Variants in CCDC137 observed in about 807,000 individuals in gnomAD.
The protein encoded by CCDC137 is coiled-coil domain-containing protein 137.
Under a neutral mutation model 30.4 loss-of-function variants are expected in CCDC137, and 24 were observed. That is an observed-to-expected ratio of 0.79 (90% CI 0.57 to 1.11). The LOEUF is 1.11. Among genes scored for constraint, CCDC137 ranks in the 50% least tolerant of loss-of-function variants. CCDC137 has a pLI of 0.00. For missense variants in CCDC137, 417 were observed against 380.4 expected, an observed-to-expected ratio of 1.10 and a Z score of -0.80; for synonymous variants, 182 against 155.7, an observed-to-expected ratio of 1.17 and a Z score of -1.26.
At chr17:81,667,069 A>G in intron 1 of CCDC137, 169 bp downstream of exon 1, 1 of 670,762 alleles carries the variant, frequency 1.5e-6, no homozygotes, top group Non-Finnish European at 2.1e-6. Flanking sequence ...GATCGGTTGA[A>G]TGAATGGAGG....
chr17:81,670,655 G>A (rs770159873), intron 3 of CCDC137, among the ~76,000 whole-genome samples: 3 of 152,176 alleles, frequency 2.0e-5, no homozygotes, highest in Non-Finnish European at 4.4e-5. Context: ...AGGAGGCTGC[G>A]GAACCTGGGA....
At chr17:81,672,304 T>C in intron 5 of CCDC137, 149 bp downstream of exon 5, 1 of 957,136 alleles carries the variant, frequency 1.0e-6, no homozygotes, top group Non-Finnish European at 1.6e-6. Flanking sequence ...CAGGAGTTGA[T>C]ACCAGCCTGG....
intron 3 of CCDC137, 61 bp downstream of exon 3, chr17:81,670,514 C>T: frequency 7.1e-7 from 1 of 1,406,432 alleles, no homozygotes; most frequent in Non-Finnish European, 9.8e-7. Flanking sequence ...ACATTGGGTT[C>T]CCATGACGGC....
intron 3 of CCDC137, among the ~76,000 whole-genome samples, chr17:81,671,053 A>T (rs2036714313): frequency 6.6e-6 from 1 of 151,854 alleles, no homozygotes; most frequent in African/African-American, 2.4e-5. Context: ...AATCGCTTGA[A>T]TCCGGGAGGC....
chr17:81,667,493 A>C (rs2036652730), intron 1 of CCDC137, among the ~76,000 whole-genome samples: 1 of 151,740 alleles, frequency 6.6e-6, no homozygotes, highest in South Asian at 2.1e-4. Flanking sequence ...ACGCCCGGCA[A>C]ATTTTTTGTA....
chr17:81,671,284 C>T (rs1363816678), intron 3 of CCDC137, among the ~76,000 whole-genome samples: 2 of 152,168 alleles, frequency 1.3e-5, no homozygotes, highest in East Asian at 1.9e-4. Flanking sequence ...CCTGGCGCCA[C>T]GGTGATCTCC....
chr17:81,668,470 T>A (rs935214131), intron 2 of CCDC137, among the ~76,000 whole-genome samples: 11 of 152,104 alleles, frequency 7.2e-5, no homozygotes, highest in Non-Finnish European at 1.3e-4. Context: ...GTCCACTGTG[T>A]GTATATTTTG....
At position 81,666,859 on chromosome 17, in the gene CCDC137, G is replaced by T; in HGVS notation, c.93G>T (p.Pro31=). The T allele has an allele frequency of 7.6e-7, 1 of 1,316,730 alleles. No homozygotes were observed. Among genetic ancestry groups the T allele is most frequent in the Non-Finnish European group, 9.7e-7 (1 of 1,032,274 alleles). 81.6% of individuals were successfully genotyped at this position (1,316,730 alleles called of 1,614,324 possible). ...CGCGGGGGCGGCAGCAAGTGCAGCC[G>T]CTGGGGAAGCAGCGCCCAGCCCCGT... ...RRARGRQQVQ[P]LGKQRPAPWP... The change falls in exon 1 of 6, where the codon CCG becomes CCT. Residue 31 remains proline, a synonymous_variant. Transcript: ENST00000329214.
In CCDC137 at chr17:81,666,798, C is replaced by G. The variant is rs749743883; in HGVS notation, c.32C>G (p.Ser11Cys). 4 of 1,464,014 alleles carry G rather than the reference C, an allele frequency of 2.7e-6. No homozygotes were observed. Among genetic ancestry groups the G allele is most frequent in the East Asian group, 2.7e-5 (1 of 36,606 alleles). 90.7% of individuals were successfully genotyped at this position (1,464,014 alleles called of 1,614,324 possible). The change falls in exon 1 of 6, where the codon TCC (serine) becomes TGC (cysteine). Residue 11 changes from serine to cysteine, a missense_variant. Physicochemically the swap from Ser to Cys is moderately radical, Grantham distance 112. Transcript: ENST00000329214. ...GGAGCTGGTCGCGGAGCAGCGGTGTCCAGGGTGCAGGCGGGTCCTGGGAGT... is the reference window on the plus strand; with the variant it reads ...GGAGCTGGTCGCGGAGCAGCGGTGTGCAGGGTGCAGGCGGGTCCTGGGAGT... MAGAGRGAAVSRVQAGPGSPR... is the reference protein window; with the variant it reads MAGAGRGAAVCRVQAGPGSPR...
rs763070699 is a variant in CCDC137 at position 81,672,129 on chromosome 17, C to A, written c.634C>A (p.Pro212Thr). Residue 212 changes from proline (P) to threonine (T), a missense_variant, in exon 5 of 6, where the codon CCC becomes ACC. Physicochemically the swap from Pro to Thr is conservative, Grantham distance 38. Transcript: ENST00000329214. ...GCAGCCCCCAGAGCTGACTGCCAGGCCCCAGAGGAGCGTAAGCAAGGACCA... is the reference window on the plus strand; with the variant it reads ...GCAGCCCCCAGAGCTGACTGCCAGGACCCAGAGGAGCGTAAGCAAGGACCA... ...VLQPPELTAR[P>T]QRSVSKDQPG... 1 of 1,614,086 alleles carries A rather than the reference C, an allele frequency of 6.2e-7. No individual in the cohort carries two copies. Among genetic ancestry groups the A allele is most frequent in the East Asian group, 2.2e-5 (1 of 44,876 alleles).
intron 1 of CCDC137, among the ~76,000 whole-genome samples, chr17:81,667,509 A>G (rs1455072298): frequency 6.6e-6 from 1 of 151,838 alleles, no homozygotes; most frequent in Admixed American, 6.6e-5. Flanking sequence ...TTGTATTTTT[A>G]GTAGAGACGG....
At position 81,668,651 on chromosome 17, in the gene CCDC137, A is replaced by T. The variant is rs146572947; in HGVS notation, c.268+789A>T. On this transcript the variant is annotated intron_variant, in intron 2 of 5. Transcript: ENST00000329214. The stretch of plus-strand genomic sequence containing the variant: ...GGAGGCGCACTGGCCTGGGTAGCAC[A>T]TGGCACGTTCTGAACCGTGCTGCAT... Among the ~76,000 whole-genome samples, 28 of 152,300 alleles carry T rather than the reference A, an allele frequency of 1.8e-4. No homozygotes were observed. The East Asian group carries it at 4.1e-3, about 22-fold the overall frequency.
rs114857292 is a variant in CCDC137, at chr17:81,673,020, T to C, written c.*316T>C. The C allele has an allele frequency of 5.6e-4, 222 of 398,170 alleles. No individual in the cohort carries two copies. Among genetic ancestry groups the C allele is most frequent in the African/African-American group, 4.4e-3 (215 of 49,278 alleles). 24.7% of individuals were successfully genotyped at this position (398,170 alleles called of 1,614,324 possible). A position where few individuals can be genotyped will look rare whatever the true frequency, so the allele number is the denominator to read the frequency against. On this transcript the variant is annotated 3_prime_UTR_variant, in exon 6 of 6. Coordinates refer to ENST00000329214, the MANE Select transcript of CCDC137 (RefSeq NM_199287.3). The stretch of plus-strand genomic sequence containing the variant: ...TGGATCCCTGTCCCTGAACACCAAA[T>C]ACCGAGACAGCTGATGAGGCTGGCT...
Position 81,670,436 on chromosome 17 carries a change from G to GAAAAAAGCA in CCDC137, c.489_497dup (p.Lys164_Ala166dup), listed in dbSNP as rs1568201285. 3 of 1,611,286 alleles carry GAAAAAAGCA rather than the reference G, an allele frequency of 1.9e-6. No homozygotes were observed. Among genetic ancestry groups the GAAAAAAGCA allele is most frequent in the Admixed American group, 3.4e-5 (2 of 59,296 alleles). ...CAGCTCCCAAGGAGAAGTCTGAGCAGAAAAAAGCAAAAAAAGCGTGAGTGG... is the reference window on the plus strand; with the variant it reads ...CAGCTCCCAAGGAGAAGTCTGAGCAGAAAAAAGCAAAAAAAGCAAAAAAAGCGTGAGTGG... On this transcript the variant is annotated inframe_insertion, in exon 3 of 6. Transcript: ENST00000329214.
At chr17:81,667,957 T>G in intron 2 of CCDC137, 95 bp downstream of exon 2, 1 of 1,436,184 alleles carries the variant, frequency 7.0e-7, no homozygotes, top group Non-Finnish European at 9.3e-7. Flanking sequence ...GCAGAGGAAA[T>G]ATGCCAAGAC....
chr17:81,668,841 C>T (rs1299838849), intron 2 of CCDC137, among the ~76,000 whole-genome samples: 3 of 151,448 alleles, frequency 2.0e-5, no homozygotes, highest in Non-Finnish European at 4.4e-5. Flanking sequence ...GCTGGGATTA[C>T]AGGTAACGCA....
rs1043822103 is a variant in CCDC137 at position 81,672,719 on chromosome 17, G to A, written c.*15G>A. On this transcript the variant is annotated 3_prime_UTR_variant, in exon 6 of 6. Transcript: ENST00000329214. The stretch of plus-strand genomic sequence containing the variant: ...CGCAGCTGTGATGGAGAGACACCCG[G>A]GGCCTGGCCACGCTCTGGGGCAACT... 5 of 1,552,520 alleles carry A rather than the reference G, an allele frequency of 3.2e-6. No homozygotes were observed. The East Asian group carries it at 7.1e-5, about 22-fold the overall frequency.
At chr17:81,672,399 T>A in intron 5 of CCDC137, 96 bp from the exon 6 acceptor site, 1 of 1,212,558 alleles carries the variant, frequency 8.2e-7, no homozygotes, top group Non-Finnish European at 1.2e-6. Flanking sequence ...GAGAGTGCAG[T>A]GTTCTCGCTG....
chr17:81,672,213 G>A (rs1413451866), intron 5 of CCDC137, 58 bp downstream of exon 5: 2 of 1,552,904 alleles, frequency 1.3e-6, no homozygotes, highest in African/African-American at 1.4e-5. Context: ...GGGAACAGAA[G>A]CCTTGGACAG....
Sources: gnomAD v4.1 joint callset for allele counts (sites outside exome capture counted in the v4.1 genomes callset) on GRCh38, gnomAD v4.1.1 for gene constraint, MANE v1.5 for transcripts, NCBI Gene and HGNC (gene_info 2026-07-23, HGNC 2026-07-21) for gene names.